Variants in LRP1B observed in about 807,000 individuals in gnomAD.
LRP1B encodes LDL receptor related protein 1B, also known as low-density lipoprotein receptor-related protein 1B.
LRP1B carries 217 observed loss-of-function variants against 556.6 expected under a neutral mutation model. The ratio of observed to expected loss-of-function variants is 0.39; its 90% confidence interval spans 0.35 to 0.44. The LOEUF (loss-of-function observed/expected upper bound fraction) is 0.44, where lower values mean the gene tolerates loss of function less well. Ranked by LOEUF, LRP1B falls within the 20% of genes least tolerant of loss-of-function variation. The pLI is 1.00. For missense variants in LRP1B, 5,053 were observed against 5,620.8 expected (o/e 0.90, Z 3.23); for synonymous variants, 2,047 against 1,865.8 (o/e 1.10, Z -2.50).
At chr2:141,049,297 A>C in intron 10 of LRP1B, 75 bp from the exon 11 acceptor site, 1 of 920,694 alleles carries the variant, frequency 1.1e-6, no homozygotes, top group East Asian at 2.4e-5. Flanking sequence ...GCCACCGTTT[A>C]ACTGGCACAA....
intron 2 of LRP1B, among the ~76,000 whole-genome samples, chr2:141,633,612 T>C (rs1473947707): frequency 6.6e-6 from 1 of 152,112 alleles, no homozygotes; most frequent in Non-Finnish European, 1.5e-5. Flanking sequence ...GTGATTAAAA[T>C]ATACATAAAA....
intron 1 of LRP1B, among the ~76,000 whole-genome samples, chr2:142,106,607 C>T (rs1706754884): frequency 6.6e-6 from 1 of 152,026 alleles, no homozygotes; most frequent in African/African-American, 2.4e-5. Flanking sequence ...AAAATATTTC[C>T]TTTTTTGTCA....
At chr2:141,796,436 G>A (rs1695814086) in intron 2 of LRP1B, among the ~76,000 whole-genome samples, 1 of 151,978 alleles carries the variant, frequency 6.6e-6, no homozygotes, top group Non-Finnish European at 1.5e-5. Context: ...TTGTAAGAAT[G>A]TATCTAATCT....
chr2:141,684,930 A>C (rs1691242298), intron 2 of LRP1B, among the ~76,000 whole-genome samples: 1 of 152,060 alleles, frequency 6.6e-6, no homozygotes. Flanking sequence ...AAGCATACCT[A>C]TCTTTCAAGA....
At chr2:141,640,172 A>T (rs1175687664) in intron 2 of LRP1B, among the ~76,000 whole-genome samples, 1 of 152,216 alleles carries the variant, frequency 6.6e-6, no homozygotes, top group Non-Finnish European at 1.5e-5. Flanking sequence ...GAGAACCAAG[A>T]TTCTTATAGG....
At chr2:141,009,824 C>T (rs1412297263) in intron 14 of LRP1B, among the ~76,000 whole-genome samples, 1 of 151,846 alleles carries the variant, frequency 6.6e-6, no homozygotes, top group East Asian at 1.9e-4. Context: ...TTTCTTCTAT[C>T]TAAAAGTATA....
chr2:141,174,430 T>C (rs977683882), intron 7 of LRP1B, among the ~76,000 whole-genome samples: 3 of 151,996 alleles, frequency 2.0e-5, no homozygotes, highest in Admixed American at 1.3e-4. Flanking sequence ...TGGTGGAAGG[T>C]GATTGGATCA....
chr2:140,749,060 CA>C lies in LRP1B; in HGVS notation c.5758+20152del, dbSNP rs567100810. Among the ~76,000 whole-genome samples the C allele has an allele frequency of 5.3e-5, 8 of 151,596 alleles. No homozygotes were observed. The South Asian group carries it at 1.7e-3, about 32-fold the overall frequency. ...ATGTTATTGTACTGAGTACTGTAGG[CA>C]ATTTGTAACACACTGGTAAGTGTGT... On this transcript the variant is annotated intron_variant, in intron 35 of 90. Transcript: ENST00000389484.
intron 1 of LRP1B, among the ~76,000 whole-genome samples, chr2:141,890,664 A>G (rs749040401): frequency 3.5e-4 from 53 of 152,092 alleles, no homozygotes; most frequent in Non-Finnish European, 5.3e-4. Context: ...CCGACTATCA[A>G]TACAGTTTGC....
At chr2:141,647,050 C>A (rs575119124) in intron 2 of LRP1B, among the ~76,000 whole-genome samples, 1 of 151,930 alleles carries the variant, frequency 6.6e-6, no homozygotes, top group Non-Finnish European at 1.5e-5. Context: ...GGGGTTATGG[C>A]GGTCAGGTAA....
chr2:140,589,788 T>G (rs1682142707), intron 43 of LRP1B, among the ~76,000 whole-genome samples: 1 of 152,224 alleles, frequency 6.6e-6, no homozygotes, highest in African/African-American at 2.4e-5. Context: ...TGTAAGTTTC[T>G]TAAAGTGACA....
At chr2:140,853,427 T>G (rs1240790603) in intron 27 of LRP1B, among the ~76,000 whole-genome samples, 1 of 152,184 alleles carries the variant, frequency 6.6e-6, no homozygotes, top group African/African-American at 2.4e-5. Context: ...TGTGTACTTT[T>G]TTGGGTAATC....
intron 3 of LRP1B, among the ~76,000 whole-genome samples, chr2:141,385,720 G>T (rs67560991): frequency 0.017 from 2,611 of 152,144 alleles, 29 homozygotes; most frequent in Non-Finnish European, 0.028. Flanking sequence ...TCCCTCAACT[G>T]CTTCTGATTA....
chr2:140,717,305 A>G (rs1687247487), intron 35 of LRP1B, among the ~76,000 whole-genome samples: 1 of 152,082 alleles, frequency 6.6e-6, no homozygotes, highest in South Asian at 2.1e-4. Flanking sequence ...AATTATATCA[A>G]GAGTGTTTTA....
intron 35 of LRP1B, among the ~76,000 whole-genome samples, chr2:140,746,663 T>C (rs1488041127): frequency 6.6e-6 from 1 of 152,158 alleles, no homozygotes; most frequent in Non-Finnish European, 1.5e-5. Context: ...TGTTTTGTTT[T>C]TTTCTCAGTT....
At chr2:141,537,147 A>G (rs1013051501) in intron 2 of LRP1B, among the ~76,000 whole-genome samples, 1 of 152,094 alleles carries the variant, frequency 6.6e-6, no homozygotes. Context: ...ACTATTAAAG[A>G]TTAACTTCTT....
chr2:141,174,006 TTC>T (rs1456800542), intron 7 of LRP1B, among the ~76,000 whole-genome samples: 3 of 152,022 alleles, frequency 2.0e-5, no homozygotes, highest in Non-Finnish European at 4.4e-5. Flanking sequence ...TAGAATACTT[TTC>T]TTTCTCTTCT....
intron 17 of LRP1B, among the ~76,000 whole-genome samples, chr2:140,987,163 G>T (rs911756231): frequency 6.6e-6 from 1 of 152,068 alleles, no homozygotes; most frequent in Non-Finnish European, 1.5e-5. Context: ...CAAAGCAAAA[G>T]GCATGTTTAT....
chr2:142,122,592 G>C (rs1193046924), intron 1 of LRP1B, among the ~76,000 whole-genome samples: 35 of 152,068 alleles, frequency 2.3e-4, no homozygotes, highest in Admixed American at 2.3e-3. Flanking sequence ...CGCTCAGCAA[G>C]AGTGCCTGAA....
Sources: gnomAD v4.1 joint callset for allele counts (sites outside exome capture counted in the v4.1 genomes callset) on GRCh38, gnomAD v4.1.1 for gene constraint, MANE v1.5 for transcripts, NCBI Gene and HGNC (gene_info 2026-07-23, HGNC 2026-07-21) for gene names.